NRXN1: variants seen among roughly 807,000 people sequenced by gnomAD.
The protein encoded by NRXN1 is neurexin 1, also known as neurexin-1.
In NRXN1, 39 loss-of-function variants were observed where a neutral mutation model predicts 150.9. The observed-to-expected ratio is 0.26, with a 90% confidence interval of 0.20 to 0.34. The LOEUF (loss-of-function observed/expected upper bound fraction) is 0.34, where lower values mean the gene tolerates loss of function less well. NRXN1 is among the 10% of genes least tolerant of loss of function. NRXN1 has a pLI of 1.00. For synonymous variants in NRXN1, 924 were observed against 757.0 expected, an observed-to-expected ratio of 1.22 and a Z score of -3.62; for missense variants, 1,815 against 1,949.9, an observed-to-expected ratio of 0.93 and a Z score of 1.30.
chr2:50,579,979 GA>G, intron 8 of NRXN1, among the ~76,000 whole-genome samples: 1 of 152,268 alleles, frequency 6.6e-6, no homozygotes, highest in Non-Finnish European at 1.5e-5. Flanking sequence ...TTTTCTGATT[GA>G]AATTATTTAT....
At chr2:50,651,945 A>G (rs189167274) in intron 5 of NRXN1, among the ~76,000 whole-genome samples, 185 of 152,152 alleles carry the variant, frequency 1.2e-3, no homozygotes, top group South Asian at 2.9e-3. Flanking sequence ...TGAGCAGGTT[A>G]TTGTAGGGTC....
chr2:50,631,300 A>G, intron 5 of NRXN1: 1 of 298,618 alleles, frequency 3.3e-6, no homozygotes, highest in Non-Finnish European at 6.6e-6. Flanking sequence ...CCAATCCAGA[A>G]ATAAATTGCC....
intron 17 of NRXN1, 75 bp downstream of exon 17, chr2:50,465,367 A>G: frequency 7.1e-7 from 1 of 1,401,044 alleles, no homozygotes. Flanking sequence ...AAGGACTTTC[A>G]GTGTTAGACT....
Position 50,903,789 on chromosome 2 carries a change from T to C in NRXN1, c.832+18080A>G, listed in dbSNP as rs532679578. 6.2e-4 allele frequency among the ~76,000 whole-genome samples: 94 copies of C among 152,296 alleles called. 2 individuals are homozygous for C. In the South Asian group the frequency reaches 0.019, roughly 31 times the overall value. On this transcript the variant is annotated intron_variant, in intron 5 of 22. Coordinates refer to ENST00000401669, the MANE Select transcript of NRXN1 (RefSeq NM_001330078.2). Reference sequence around the variant, plus strand: ...TCAGAGCTGAATGGCTCAAAGGTACTTTCAGGATAAAATTGAACTTCTGTG... The same window carrying C: ...TCAGAGCTGAATGGCTCAAAGGTACCTTCAGGATAAAATTGAACTTCTGTG...
chr2:50,287,062 G>A (rs2072282324), intron 17 of NRXN1, among the ~76,000 whole-genome samples: 1 of 151,948 alleles, frequency 6.6e-6, no homozygotes, highest in Admixed American at 6.6e-5. Context: ...TCATCAATAA[G>A]TACAGGCTTG....
chr2:50,866,092 T>C (rs1332348485), intron 5 of NRXN1, among the ~76,000 whole-genome samples: 1 of 151,838 alleles, frequency 6.6e-6, no homozygotes, highest in Non-Finnish European at 1.5e-5. Context: ...TTTATTTAAT[T>C]ATGTTTCTAC....
At chr2:50,503,053 A>T (rs961725625) in intron 13 of NRXN1, among the ~76,000 whole-genome samples, 3 of 152,148 alleles carry the variant, frequency 2.0e-5, no homozygotes, top group Admixed American at 1.3e-4. Flanking sequence ...CATGTCTGTA[A>T]TCCCGGTACT....
chr2:50,953,768 C>T (rs778132738), intron 2 of NRXN1, among the ~76,000 whole-genome samples: 1 of 151,948 alleles, frequency 6.6e-6, no homozygotes, highest in Non-Finnish European at 1.5e-5. Flanking sequence ...ACCATGTTGG[C>T]CAGATTGGTC....
intron 22 of NRXN1, 72 bp downstream of exon 22, chr2:49,943,632 C>T (rs1434797902): frequency 6.2e-6 from 6 of 972,358 alleles, no homozygotes; most frequent in Admixed American, 1.9e-5. Context: ...AATATAAGGC[C>T]CTTCTAAGGA....
At chr2:50,237,155 G>T (rs189330596) in intron 17 of NRXN1, among the ~76,000 whole-genome samples, 185 bp from the exon 18 acceptor site, 1 of 152,044 alleles carries the variant, frequency 6.6e-6, no homozygotes, top group Admixed American at 6.6e-5. Flanking sequence ...AAATGGAGAG[G>T]TAGCTCAGTT....
At chr2:50,964,856 T>C (rs13017431) in intron 2 of NRXN1, among the ~76,000 whole-genome samples, 23,004 of 151,436 alleles carry the variant, frequency 0.15, 2,208 homozygotes, top group Non-Finnish European at 0.21. Context: ...GATGCTTGTC[T>C]GAGTGCTCAA....
At chr2:50,042,319 G>A (rs1452877419) in intron 21 of NRXN1, among the ~76,000 whole-genome samples, 1 of 152,130 alleles carries the variant, frequency 6.6e-6, no homozygotes, top group Admixed American at 6.6e-5. Flanking sequence ...AATCAGGGAG[G>A]TGGTTTCCCC....
At chr2:50,633,517 T>C (rs559179913) in intron 5 of NRXN1, among the ~76,000 whole-genome samples, 53 of 149,434 alleles carry the variant, frequency 3.5e-4, no homozygotes, top group Middle Eastern at 3.6e-3. Flanking sequence ...GTTTATTTTG[T>C]TTTGTTTTTT....
At chr2:50,700,847 T>C (rs1693634156) in intron 5 of NRXN1, among the ~76,000 whole-genome samples, 1 of 151,956 alleles carries the variant, frequency 6.6e-6, no homozygotes, top group Non-Finnish European at 1.5e-5. Flanking sequence ...TTTGTATTTT[T>C]AGTAGAGACG....
intron 17 of NRXN1, among the ~76,000 whole-genome samples, chr2:50,271,791 T>A (rs1416768659): frequency 6.6e-6 from 1 of 152,172 alleles, no homozygotes; most frequent in Non-Finnish European, 1.5e-5. Flanking sequence ...AACAGTACAA[T>A]AATGGTACTT....
chr2:49,925,608 T>C (rs1056287517), intron 22 of NRXN1, among the ~76,000 whole-genome samples: 4 of 152,174 alleles, frequency 2.6e-5, no homozygotes, highest in African/African-American at 9.6e-5. Flanking sequence ...TTAATTTGTA[T>C]ATTTCATGGA....
In NRXN1 at chr2:50,171,616, G is replaced by A. The variant is rs552726900; in HGVS notation, c.3546+65173C>T. Among the ~76,000 whole-genome samples, 3 of 152,182 alleles carry A rather than the reference G, an allele frequency of 2.0e-5. No individual in the cohort carries two copies. In the East Asian group the frequency reaches 5.8e-4, roughly 29 times the overall value. On this transcript the variant is annotated intron_variant, in intron 18 of 22. Transcript: ENST00000401669. ...TGCCAAGCTCAGGCAAAAGAGAAAA[G>A]GGGAGACAAAATCAAGTCTACTTAG...
intron 2 of NRXN1, 142 bp from the exon 3 acceptor site, chr2:50,926,097 G>T (rs1686837507): frequency 7.1e-6 from 5 of 702,472 alleles, no homozygotes; most frequent in Non-Finnish European, 1.3e-5. Flanking sequence ...ATTCAAGGGG[G>T]AAAACAAAAT....
At chr2:50,779,319 GT>G (rs544412131) in intron 5 of NRXN1, among the ~76,000 whole-genome samples, 2 of 152,122 alleles carry the variant, frequency 1.3e-5, no homozygotes, top group Non-Finnish European at 2.9e-5. Context: ...TGGTTTTTCA[GT>G]TTAATCCATG....
Sources: gnomAD v4.1 joint callset for allele counts (sites outside exome capture counted in the v4.1 genomes callset) on GRCh38, gnomAD v4.1.1 for gene constraint, MANE v1.5 for transcripts, NCBI Gene and HGNC (gene_info 2026-07-23, HGNC 2026-07-21) for gene names.